Variants in ADAMTS19 observed in about 807,000 individuals in gnomAD.
ADAMTS19 encodes A disintegrin and metalloproteinase with thrombospondin motifs 19.
A neutral mutation model predicts 153.3 loss-of-function variants in ADAMTS19; 93 were observed. The ratio of observed to expected loss-of-function variants is 0.61; its 90% CI spans 0.51 to 0.72. The LOEUF is 0.72. Ranked by LOEUF, ADAMTS19 falls within the 30% of genes least tolerant of loss-of-function variation. The pLI, the probability that ADAMTS19 is intolerant of heterozygous loss-of-function variation, is 0.00. For synonymous variants in ADAMTS19, 600 were observed against 556.6 expected (o/e 1.08, Z -1.10); for missense variants, 1,482 against 1,552.1 (o/e 0.95, Z 0.76).
At chr5:129,641,822 A>C in intron 10 of ADAMTS19, 37 bp from the exon 11 acceptor site, 1 of 1,371,994 alleles carries the variant, frequency 7.3e-7, no homozygotes, top group Non-Finnish European at 1.0e-6. Flanking sequence ...AAAATGTGAT[A>C]CCTTCCCCTT....
chr5:129,534,450 A>C (rs1185726525), intron 6 of ADAMTS19, among the ~76,000 whole-genome samples: 1 of 152,168 alleles, frequency 6.6e-6, no homozygotes, highest in African/African-American at 2.4e-5. Flanking sequence ...CCAACCAAAA[A>C]AATCCAGGAC....
In ADAMTS19 at chr5:129,461,637, CACGG is replaced by C. The variant is rs1162340215; in HGVS notation, c.628_631del (p.Thr210GlyfsTer39). The stretch of plus-strand genomic sequence containing the variant: ...AGCGGCCAAATCCCGGCCCCGGCCC[CACGG>C]GGGCAGCATCCGCCCCGCAACCTCC... On this transcript the variant is annotated frameshift_variant, in exon 2 of 23. Coordinates refer to ENST00000274487, the MANE Select transcript of ADAMTS19 (RefSeq NM_133638.6). LOFTEE classifies it high-confidence loss of function. This position sits in a 1 kb window ranked among gnomAD's most constrained non-coding sequence, Gnocchi z 4.6. 1 of 1,594,222 alleles carries C rather than the reference CACGG, an allele frequency of 6.3e-7. No individual in the cohort carries two copies. Among genetic ancestry groups the C allele is most frequent in the East Asian group, 2.3e-5 (1 of 43,652 alleles).
chr5:129,720,154 A>G (rs1028736653), intron 21 of ADAMTS19, among the ~76,000 whole-genome samples: 2 of 139,258 alleles, frequency 1.4e-5, no homozygotes, highest in Admixed American at 7.0e-5. Flanking sequence ...GTATGTATAT[A>G]TATATATATA....
At chr5:129,725,945 A>C (rs1410230879) in intron 21 of ADAMTS19, among the ~76,000 whole-genome samples, 4 of 152,126 alleles carry the variant, frequency 2.6e-5, no homozygotes, top group Non-Finnish European at 5.9e-5. Context: ...TAATTGATGA[A>C]TATCACTACG....
At chr5:129,590,328 C>CA (rs1342108412) in intron 7 of ADAMTS19, among the ~76,000 whole-genome samples, 13 of 152,086 alleles carry the variant, frequency 8.5e-5, no homozygotes, top group Admixed American at 5.2e-4. Flanking sequence ...GCTATACATT[C>CA]AAAAAAATGT....
intron 7 of ADAMTS19, among the ~76,000 whole-genome samples, chr5:129,581,389 CG>C (rs559581531): frequency 1.4e-3 from 205 of 151,704 alleles, no homozygotes; most frequent in South Asian, 8.1e-3. Flanking sequence ...TTATTTGCAT[CG>C]GGGTATTTAT....
intron 17 of ADAMTS19, among the ~76,000 whole-genome samples, chr5:129,682,204 C>T (rs902236834): frequency 4.6e-5 from 7 of 152,132 alleles, no homozygotes; most frequent in African/African-American, 1.7e-4. Context: ...TAAAAGAAGG[C>T]ATCTATGTGA....
intron 6 of ADAMTS19, among the ~76,000 whole-genome samples, chr5:129,534,640 A>G (rs984904100): frequency 1.3e-5 from 2 of 152,180 alleles, no homozygotes; most frequent in African/African-American, 4.8e-5. Flanking sequence ...TTTTAGACCA[A>G]TATCCTTGAT....
intron 6 of ADAMTS19, among the ~76,000 whole-genome samples, chr5:129,540,984 T>A (rs1752636664): frequency 6.6e-6 from 1 of 152,010 alleles, no homozygotes; most frequent in Non-Finnish European, 1.5e-5. Context: ...TCTATCCCCA[T>A]CCCATAAAAT....
chr5:129,709,914 G>A (rs1359871553), intron 21 of ADAMTS19, among the ~76,000 whole-genome samples: 1 of 151,666 alleles, frequency 6.6e-6, no homozygotes, highest in African/African-American at 2.4e-5. Context: ...TAAATTAATA[G>A]GCTGTAGGCT....
In ADAMTS19 at chr5:129,461,806, C is replaced by A. The variant is rs373145796; in HGVS notation, c.747+49C>A. The stretch of plus-strand genomic sequence containing the variant: ...CTCCATTTTCCCCTGCTGCTCCTCT[C>A]CTTGCCCATAGGTCAGGATGATTTG... On this transcript the variant is annotated intron_variant, in intron 2 of 22. Transcript: ENST00000274487. This position sits in a 1 kb window ranked among gnomAD's most constrained non-coding sequence, Gnocchi z 4.6. 39 of 1,470,786 alleles carry A rather than the reference C, an allele frequency of 2.7e-5. No homozygotes were observed. Among genetic ancestry groups the A allele is most frequent in the Middle Eastern group, 1.8e-4 (1 of 5,526 alleles). 91.1% of individuals were successfully genotyped at this position (1,470,786 alleles called of 1,614,324 possible). A position where few individuals can be genotyped will look rare whatever the true frequency, so the allele number is the denominator to read the frequency against.
intron 3 of ADAMTS19, among the ~76,000 whole-genome samples, chr5:129,514,588 T>G (rs1751539241): frequency 1.3e-5 from 2 of 152,194 alleles, no homozygotes; most frequent in African/African-American, 4.8e-5. Context: ...GTATGTCTTC[T>G]TTTGAGAAAT....
intron 10 of ADAMTS19, among the ~76,000 whole-genome samples, chr5:129,624,263 G>A (rs933356610): frequency 2.0e-5 from 3 of 151,644 alleles, no homozygotes; most frequent in African/African-American, 4.8e-5. Context: ...ACTCCACATC[G>A]TGTGTGACAA....
At chr5:129,560,956 A>G (rs1349486089) in intron 7 of ADAMTS19, among the ~76,000 whole-genome samples, 1 of 152,196 alleles carries the variant, frequency 6.6e-6, no homozygotes, top group African/African-American at 2.4e-5. Flanking sequence ...ACTCCTTTAC[A>G]TTCTTGAATT....
chr5:129,685,007 A>C, intron 18 of ADAMTS19, among the ~76,000 whole-genome samples: 1 of 151,724 alleles, frequency 6.6e-6, no homozygotes, highest in African/African-American at 2.4e-5. Context: ...AGAAAAGAAA[A>C]AAAAAAAGAA....
At chr5:129,464,618 A>C (rs1749793614) in intron 2 of ADAMTS19, among the ~76,000 whole-genome samples, 1 of 152,226 alleles carries the variant, frequency 6.6e-6, no homozygotes, top group Non-Finnish European at 1.5e-5. Context: ...AACATTTATA[A>C]GATTGACCAT....
chr5:129,610,359 A>G (rs1199545247), intron 8 of ADAMTS19, among the ~76,000 whole-genome samples: 1 of 152,094 alleles, frequency 6.6e-6, no homozygotes, highest in Non-Finnish European at 1.5e-5. Flanking sequence ...TTACATATGT[A>G]TACATGTGCC....
intron 7 of ADAMTS19, among the ~76,000 whole-genome samples, chr5:129,585,215 C>T (rs995027225): frequency 6.6e-6 from 1 of 151,612 alleles, no homozygotes; most frequent in African/African-American, 2.4e-5. Context: ...GCTTGCCCTC[C>T]GTGGGCTGCA....
At chr5:129,627,635 A>G (rs1457839288) in intron 10 of ADAMTS19, among the ~76,000 whole-genome samples, 1 of 152,128 alleles carries the variant, frequency 6.6e-6, no homozygotes, top group Admixed American at 6.6e-5. Context: ...AAAAGTGGGC[A>G]AAGAACAAGA....
Sources: gnomAD v4.1 joint callset for allele counts (sites outside exome capture counted in the v4.1 genomes callset) on GRCh38, gnomAD v4.1.1 for gene constraint, Gnocchi (gnomAD v3.1) non-coding constraint, MANE v1.5 for transcripts, NCBI Gene and HGNC (gene_info 2026-07-23, HGNC 2026-07-21) for gene names.